Variants in TSHZ2 observed in about 807,000 individuals in gnomAD.
TSHZ2 encodes teashirt homolog 2.
A neutral mutation model predicts 74.4 loss-of-function variants in TSHZ2; 21 were observed. The observed-to-expected ratio is 0.28, with a 90% CI of 0.20 to 0.41. The LOEUF (loss-of-function observed/expected upper bound fraction) is 0.41, where lower values mean the gene tolerates loss of function less well. Among genes scored for constraint, TSHZ2 ranks in the 10% least tolerant of loss-of-function variants. TSHZ2 has a pLI of 1.00. For missense variants in TSHZ2, 1,244 were observed against 1,293.5 expected (o/e 0.96, Z 0.59); for synonymous variants, 540 against 515.3 (o/e 1.05, Z -0.65).
chr20:53,172,298 G>T (rs1275449901), intron 1 of TSHZ2, among the ~76,000 whole-genome samples: 5 of 152,112 alleles, frequency 3.3e-5, no homozygotes, highest in African/African-American at 1.2e-4. Flanking sequence ...GGCTTTTGAG[G>T]ATTTTCTTTT....
chr20:53,110,650 G>A (rs1296442276), intron 1 of TSHZ2, among the ~76,000 whole-genome samples: 4 of 152,104 alleles, frequency 2.6e-5, no homozygotes, highest in Admixed American at 1.3e-4. Flanking sequence ...AAAGAGTACT[G>A]GAAATATGGT....
intron 1 of TSHZ2, among the ~76,000 whole-genome samples, chr20:53,117,639 A>G (rs1224422705): frequency 6.6e-6 from 1 of 152,234 alleles, no homozygotes; most frequent in Non-Finnish European, 1.5e-5. Flanking sequence ...AAATATTTAG[A>G]ACAAGAGTGT....
chr20:53,018,657 C>T, intron 1 of TSHZ2, among the ~76,000 whole-genome samples: 1 of 152,222 alleles, frequency 6.6e-6, no homozygotes. Flanking sequence ...CAATGTTGAA[C>T]TTTAACACAT....
chr20:53,278,039 C>T (rs1243253816), intron 2 of TSHZ2, among the ~76,000 whole-genome samples: 1 of 152,194 alleles, frequency 6.6e-6, no homozygotes, highest in Non-Finnish European at 1.5e-5. Context: ...AGTCATAATT[C>T]AAAGCTCATA....
intron 1 of TSHZ2, among the ~76,000 whole-genome samples, chr20:53,161,834 A>G (rs1006188589): frequency 9.2e-5 from 14 of 152,352 alleles, no homozygotes; most frequent in Admixed American, 8.5e-4. Context: ...GAGTGATATT[A>G]TTTGAGTTAG....
chr20:53,359,450 G>GGAC (rs1467586418), intron 2 of TSHZ2, among the ~76,000 whole-genome samples: 2 of 152,156 alleles, frequency 1.3e-5, no homozygotes, highest in Non-Finnish European at 2.9e-5. Context: ...TTCATAAATA[G>GGAC]GACAGCAGGG....
intron 1 of TSHZ2, among the ~76,000 whole-genome samples, chr20:53,241,409 G>A (rs1400682206): frequency 6.6e-6 from 1 of 152,130 alleles, no homozygotes; most frequent in Non-Finnish European, 1.5e-5. Flanking sequence ...ATTTGGTGGA[G>A]TTACTGGAGT....
rs137989098 is a variant in TSHZ2, at chr20:52,992,747, C to T, written c.40+19414C>T. ...ATAAACCAACAGAATTGTGTTGCTG[C>T]CTCCATAAATGTTTAATAAGTTTTA... is the stretch of plus-strand genomic sequence containing the variant. On this transcript the variant is annotated intron_variant, in intron 1 of 2. Transcript: ENST00000371497. Among the ~76,000 whole-genome samples, 171 of 152,258 alleles carry T rather than the reference C, an allele frequency of 1.1e-3. 1 individual carries two copies. The highest frequency in any genetic ancestry group is 4.0e-3 in the African/African-American group (166 of 41,556).
intron 2 of TSHZ2, among the ~76,000 whole-genome samples, chr20:53,354,843 A>T (rs777615872): frequency 6.6e-5 from 10 of 152,230 alleles, no homozygotes; most frequent in Non-Finnish European, 1.2e-4. Context: ...GTATGCAACC[A>T]TCCACATTTT....
intron 2 of TSHZ2, among the ~76,000 whole-genome samples, chr20:53,469,021 C>A: frequency 8.2e-6 from 1 of 122,400 alleles, no homozygotes; most frequent in African/African-American, 2.9e-5. Flanking sequence ...GGCAGTTAAA[C>A]CTAAAGGCTC....
intron 2 of TSHZ2, among the ~76,000 whole-genome samples, chr20:53,422,783 A>G (rs1983524552): frequency 6.6e-6 from 1 of 152,246 alleles, no homozygotes. Flanking sequence ...CACATAAAAT[A>G]TACTTATTCT....
At chr20:53,434,302 T>G (rs778627824) in intron 2 of TSHZ2, among the ~76,000 whole-genome samples, 2 of 152,180 alleles carry the variant, frequency 1.3e-5, no homozygotes, top group Non-Finnish European at 2.9e-5. Context: ...ACAATGACCC[T>G]CCAGGTATTA....
At position 53,253,512 on chromosome 20, in the gene TSHZ2, G is replaced by A. The variant is rs374981575; in HGVS notation, c.54G>A (p.Glu18=). Residue 18 remains glutamate (E), a synonymous_variant, in exon 2 of 3, where the codon GAG becomes GAA. Coordinates refer to ENST00000371497, the MANE Select transcript of TSHZ2 (RefSeq NM_173485.6). ...CTTCTCTTGCAGGCTACGCCCAGGAGGAACAGCTGAAAGAAGAGGAGGAAA... is the reference window on the plus strand; with the variant it reads ...CTTCTCTTGCAGGCTACGCCCAGGAAGAACAGCTGAAAGAAGAGGAGGAAA... ...APKRAAGYAQ[E]EQLKEEEEIK... The A allele has an allele frequency of 7.7e-5, 124 of 1,608,874 alleles. No homozygotes were observed. Among genetic ancestry groups the A allele is most frequent in the Non-Finnish European group, 9.9e-5 (116 of 1,177,146 alleles).
intron 2 of TSHZ2, among the ~76,000 whole-genome samples, chr20:53,392,469 T>C (rs1982292207): frequency 6.6e-6 from 1 of 151,974 alleles, no homozygotes; most frequent in Non-Finnish European, 1.5e-5. Flanking sequence ...AAAATGAAAG[T>C]GTTCATTCTG....
chr20:53,088,789 G>A (rs186267322), intron 1 of TSHZ2, among the ~76,000 whole-genome samples: 3 of 152,142 alleles, frequency 2.0e-5, no homozygotes, highest in East Asian at 1.9e-4. Context: ...TGGCATTTCC[G>A]AGACCTGTGG....
At chr20:53,081,676 T>G (rs1985539756) in intron 1 of TSHZ2, among the ~76,000 whole-genome samples, 1 of 152,184 alleles carries the variant, frequency 6.6e-6, no homozygotes, top group African/African-American at 2.4e-5. Context: ...TTTATAAATT[T>G]TTTCACCATT....
intron 1 of TSHZ2, among the ~76,000 whole-genome samples, chr20:53,237,044 C>T (rs552305674): frequency 6.6e-6 from 1 of 152,138 alleles, no homozygotes; most frequent in South Asian, 2.1e-4. Flanking sequence ...CTTCTGGAAG[C>T]CTAAGATTCC....
At chr20:53,257,565 G>A (rs1051861452) in intron 2 of TSHZ2, among the ~76,000 whole-genome samples, 12 of 152,192 alleles carry the variant, frequency 7.9e-5, no homozygotes, top group African/African-American at 2.9e-4. Flanking sequence ...CAAATGTTGA[G>A]GATAAGCAAG....
intron 2 of TSHZ2, among the ~76,000 whole-genome samples, chr20:53,363,600 C>T (rs1981147335): frequency 6.6e-6 from 1 of 152,200 alleles, no homozygotes; most frequent in Non-Finnish European, 1.5e-5. Flanking sequence ...CAAAATAAAG[C>T]AGATAAATGA....
Sources: gnomAD v4.1 joint callset for allele counts (sites outside exome capture counted in the v4.1 genomes callset) on GRCh38, gnomAD v4.1.1 for gene constraint, MANE v1.5 for transcripts, NCBI Gene and HGNC (gene_info 2026-07-23, HGNC 2026-07-21) for gene names.